The following DOK6 variants were observed in gnomAD, a reference collection of about 807,000 sequenced individuals.
The protein encoded by DOK6 is downstream of tyrosine kinase 6.
A neutral mutation model predicts 44.0 loss-of-function variants in DOK6; 22 were observed. The ratio of observed to expected loss-of-function variants is 0.50; its 90% CI spans 0.36 to 0.71. The LOEUF (loss-of-function observed/expected upper bound fraction) is 0.71. DOK6 is among the 30% of genes least tolerant of loss of function. The pLI, the probability that DOK6 is intolerant of heterozygous loss-of-function variation, is 0.00. For missense variants in DOK6, 340 were observed against 416.4 expected (o/e 0.82, Z 1.60); for synonymous variants, 166 against 145.5 (o/e 1.14, Z -1.01).
At chr18:69,699,513 C>T (rs1986464458) in intron 5 of DOK6, among the ~76,000 whole-genome samples, 1 of 151,750 alleles carries the variant, frequency 6.6e-6, no homozygotes, top group Admixed American at 6.6e-5. Flanking sequence ...GTAATTTTAC[C>T]AGTCTGGGGC....
In DOK6 at chr18:69,510,941, T is replaced by C. The variant is rs112894874; in HGVS notation, c.67-53546T>C. 3.1e-3 allele frequency among the ~76,000 whole-genome samples: 468 copies of C among 152,258 alleles called. 2 individuals carry two copies. Among genetic ancestry groups the C allele is most frequent in the African/African-American group, 0.011 (442 of 41,566 alleles). On this transcript the variant is annotated intron_variant, in intron 1 of 7. Coordinates refer to ENST00000382713, the MANE Select transcript of DOK6 (RefSeq NM_152721.6). Reference sequence around the variant, plus strand: ...AGGAAATTATAATGTTACCAAGTCATAGATGAAGTAAGTGGTTGAACTGAG... The same window carrying C: ...AGGAAATTATAATGTTACCAAGTCACAGATGAAGTAAGTGGTTGAACTGAG...
intron 6 of DOK6, among the ~76,000 whole-genome samples, chr18:69,749,939 T>G (rs1599304342): frequency 1.6e-5 from 2 of 124,468 alleles, no homozygotes; most frequent in African/African-American, 6.3e-5. Context: ...CGAGACTCCA[T>G]CAAAAAAAAA....
rs1480611048 is a variant in DOK6, at chr18:69,645,424, A to G, written c.290-32310A>G. Among the ~76,000 whole-genome samples the G allele has an allele frequency of 2.0e-5, 3 of 152,360 alleles. No homozygotes were observed. In the East Asian group the frequency reaches 5.8e-4, roughly 29 times the overall value. On this transcript the variant is annotated intron_variant, in intron 3 of 7. Transcript: ENST00000382713. ...TTCTGAATATTCATCTATGTTCAATATAATACACACAGTGAATAAAACATA... is the reference window on the plus strand; with the variant it reads ...TTCTGAATATTCATCTATGTTCAATGTAATACACACAGTGAATAAAACATA...
intron 2 of DOK6, among the ~76,000 whole-genome samples, chr18:69,580,504 C>T (rs1983341919): frequency 6.6e-6 from 1 of 152,076 alleles, no homozygotes; most frequent in Admixed American, 6.5e-5. Context: ...GGGAATCTTT[C>T]TTTCATTTTC....
At chr18:69,605,085 T>C (rs1983965153) in intron 3 of DOK6, among the ~76,000 whole-genome samples, 2 of 124,956 alleles carry the variant, frequency 1.6e-5, no homozygotes, top group African/African-American at 5.5e-5. Flanking sequence ...TTTGTGTGTG[T>C]GTGTGTGTGT....
intron 5 of DOK6, among the ~76,000 whole-genome samples, chr18:69,701,614 GA>G (rs1477164754): frequency 1.3e-5 from 2 of 152,200 alleles, no homozygotes; most frequent in Non-Finnish European, 2.9e-5. Context: ...TCTTTTGTAT[GA>G]ATTATTTTTC....
chr18:69,701,548 C>G (rs974567394), intron 5 of DOK6, among the ~76,000 whole-genome samples: 2 of 152,104 alleles, frequency 1.3e-5, no homozygotes, highest in African/African-American at 4.8e-5. Context: ...ATATTGTAAG[C>G]AAAAATCAAG....
At chr18:69,705,719 G>A (rs1986618113) in intron 5 of DOK6, among the ~76,000 whole-genome samples, 2 of 152,042 alleles carry the variant, frequency 1.3e-5, no homozygotes, top group African/African-American at 4.8e-5. Flanking sequence ...ATTTTACAAG[G>A]TTTTGAATTT....
chr18:69,803,009 G>A (rs138211127), intron 7 of DOK6, among the ~76,000 whole-genome samples: 8 of 152,098 alleles, frequency 5.3e-5, no homozygotes, highest in African/African-American at 1.9e-4. Context: ...AAAAATGGAA[G>A]AAATGATAAT....
chr18:69,488,545 C>T (rs1468426437), intron 1 of DOK6, among the ~76,000 whole-genome samples: 1 of 152,168 alleles, frequency 6.6e-6, no homozygotes, highest in Non-Finnish European at 1.5e-5. Flanking sequence ...CCAATGGACT[C>T]ACAGTTCCAC....
chr18:69,696,478 T>C (rs10513974), intron 4 of DOK6, among the ~76,000 whole-genome samples: 38,934 of 152,192 alleles, frequency 0.26, 5,393 homozygotes, highest in South Asian at 0.34. Flanking sequence ...ATTTTGGCAA[T>C]TATTTTTTCG....
chr18:69,409,895 A>G (rs1251622074), intron 1 of DOK6, among the ~76,000 whole-genome samples: 1 of 152,200 alleles, frequency 6.6e-6, no homozygotes, highest in African/African-American at 2.4e-5. Flanking sequence ...CTTACTAGCA[A>G]ATAGGAATAC....
intron 1 of DOK6, among the ~76,000 whole-genome samples, chr18:69,512,595 C>A (rs1217004697): frequency 1.3e-5 from 2 of 152,044 alleles, no homozygotes; most frequent in East Asian, 3.9e-4. Context: ...TCGTCCGCCT[C>A]GGCCTCCAAA....
At chr18:69,574,934 C>T (rs1014790946) in intron 2 of DOK6, among the ~76,000 whole-genome samples, 5 of 151,830 alleles carry the variant, frequency 3.3e-5, no homozygotes, top group Non-Finnish European at 5.9e-5. Flanking sequence ...GAGAAAGGTA[C>T]GTGAATGGAA....
intron 3 of DOK6, among the ~76,000 whole-genome samples, chr18:69,672,285 A>G (rs1289298367): frequency 6.6e-6 from 1 of 152,238 alleles, no homozygotes; most frequent in East Asian, 1.9e-4. Context: ...TTGTTCCTGT[A>G]GGCTAACCAG....
intron 5 of DOK6, among the ~76,000 whole-genome samples, chr18:69,704,295 G>T (rs1312206530): frequency 3.9e-5 from 6 of 152,010 alleles, no homozygotes; most frequent in South Asian, 4.2e-4. Flanking sequence ...AAAGTATATT[G>T]TCTCTGCCAC....
intron 7 of DOK6, among the ~76,000 whole-genome samples, chr18:69,803,655 G>A (rs1421211763): frequency 2.0e-5 from 3 of 152,160 alleles, no homozygotes; most frequent in African/African-American, 4.8e-5. Context: ...CGAGGTCAGA[G>A]ATCGAGACCA....
At chr18:69,810,651 T>C (rs1484874060) in intron 7 of DOK6, among the ~76,000 whole-genome samples, 1 of 151,810 alleles carries the variant, frequency 6.6e-6, no homozygotes, top group East Asian at 1.9e-4. Context: ...TTTTTTTTAA[T>C]GGGCAAAGGT....
intron 1 of DOK6, among the ~76,000 whole-genome samples, chr18:69,537,189 A>G (rs1049889169): frequency 6.6e-6 from 1 of 152,048 alleles, no homozygotes; most frequent in Non-Finnish European, 1.5e-5. Context: ...TTCACAAGGA[A>G]TATTCCACTT....
Sources: gnomAD v4.1 joint callset for allele counts (sites outside exome capture counted in the v4.1 genomes callset) on GRCh38, gnomAD v4.1.1 for gene constraint, MANE v1.5 for transcripts, NCBI Gene and HGNC (gene_info 2026-07-23, HGNC 2026-07-21) for gene names.